The following CEP83 variants were observed in gnomAD, a reference collection of about 807,000 sequenced individuals.
The protein encoded by CEP83 is centrosomal protein of 83 kDa.
A neutral mutation model predicts 101.9 loss-of-function variants in CEP83; 70 were observed. The observed-to-expected ratio is 0.69, with a 90% CI of 0.57 to 0.84. CEP83 has a LOEUF of 0.84. Ranked by LOEUF, CEP83 falls within the 40% of genes least tolerant of loss-of-function variation. The pLI is 0.00. For synonymous variants in CEP83, 264 were observed against 267.9 expected (o/e 0.99, Z 0.14); for missense variants, 715 against 787.2 (o/e 0.91, Z 1.10).
At chr12:94,306,616 A>AATCC (rs1465235587), downstream of CEP83, 8 of 152,200 alleles carry the variant, frequency 5.3e-5, no homozygotes, top group Admixed American at 5.2e-4. Flanking sequence ...TGGTGCTCCA[A>AATCC]ATCCCCCATC....
chr12:94,445,575 T>A (rs2138462132), intron 1 of CEP83, among the ~76,000 whole-genome samples: 1 of 152,304 alleles, frequency 6.6e-6, no homozygotes, highest in African/African-American at 2.4e-5. Context: ...GGGGAAAAAC[T>A]GCAAATCATA....
chr12:94,304,231 T>TA, downstream of CEP83: 1 of 511,380 alleles, frequency 2.0e-6, no homozygotes, highest in Non-Finnish European at 3.5e-6. Flanking sequence ...CTGCCCCCCT[T>TA]ACAGTTTTAT....
chr12:94,344,810 A>T (rs2059855210), intron 11 of CEP83, among the ~76,000 whole-genome samples: 1 of 152,204 alleles, frequency 6.6e-6, no homozygotes, highest in Non-Finnish European at 1.5e-5. Context: ...TTAAAAAGAT[A>T]AAAAACTGAT....
At chr12:94,373,365 A>G (rs956372077) in intron 8 of CEP83, among the ~76,000 whole-genome samples, 7 of 152,334 alleles carry the variant, frequency 4.6e-5, no homozygotes, top group African/African-American at 1.4e-4. Context: ...ACAGGGGGTC[A>G]GTATCTGTTA....
the CEP83 span, among the ~76,000 whole-genome samples, chr12:94,288,387 G>A: frequency 2.9e-3 from 440 of 152,220 alleles, 9 homozygotes; most frequent in South Asian, 0.054. Flanking sequence ...TCAGGTCTTC[G>A]CAGTTTCCCA....
intron 1 of CEP83, among the ~76,000 whole-genome samples, chr12:94,437,998 C>T (rs1399103413): frequency 6.6e-6 from 1 of 152,088 alleles, no homozygotes; most frequent in Non-Finnish European, 1.5e-5. Flanking sequence ...GGGCAGATCA[C>T]CTGAGGTCAG....
At chr12:94,402,248 T>C (rs931051662) in intron 5 of CEP83, 5 of 152,310 alleles carry the variant, frequency 3.3e-5, no homozygotes, top group African/African-American at 1.2e-4. Context: ...ATTGAGCACC[T>C]ACTGTATACC....
At chr12:94,376,712 C>CACACA (rs1566024860) in intron 7 of CEP83, among the ~76,000 whole-genome samples, 2 of 122,308 alleles carry the variant, frequency 1.6e-5, no homozygotes, top group East Asian at 4.6e-4. Flanking sequence ...CACACACACA[C>CACACA]ACACACACAC....
At chr12:94,315,694 A>AT (rs554045286) in intron 14 of CEP83, among the ~76,000 whole-genome samples, 1,762 of 144,810 alleles carry the variant, frequency 0.012, 14 homozygotes, top group East Asian at 0.023. Context: ...TAGAAGCTTT[A>AT]TTTTTTTTTT....
intron 11 of CEP83, 110 bp from the exon 12 acceptor site, chr12:94,335,774 A>T (rs1452426312): frequency 2.8e-6 from 2 of 704,140 alleles, no homozygotes; most frequent in Non-Finnish European, 4.9e-6. Flanking sequence ...GAGCACAAAC[A>T]CAACCAAAGA....
intron 11 of CEP83, among the ~76,000 whole-genome samples, chr12:94,365,642 C>T (rs955549260): frequency 1.3e-5 from 2 of 151,930 alleles, no homozygotes; most frequent in Non-Finnish European, 2.9e-5. Context: ...TGGTGACATA[C>T]ACCTGTAATC....
Position 94,377,094 on chromosome 12 carries a change from T to C in CEP83, c.802-1077A>G, listed in dbSNP as rs755300679. On this transcript the variant is annotated intron_variant, in intron 7 of 16. Coordinates refer to ENST00000397809, the MANE Select transcript of CEP83 (RefSeq NM_016122.3). Reference sequence around the variant, plus strand: ...GCATTTAAAGGATAAATTTCAGTTTTATAACATCTCATTTCGTACATATAG... The same window carrying C: ...GCATTTAAAGGATAAATTTCAGTTTCATAACATCTCATTTCGTACATATAG... 6.9e-4 allele frequency among the ~76,000 whole-genome samples: 105 copies of C among 152,128 alleles called. 4 individuals carry two copies. The highest frequency in any genetic ancestry group is 2.2e-4 in the Non-Finnish European group (15 of 68,026).
At chr12:94,446,796 G>A (rs999241546) in intron 1 of CEP83, among the ~76,000 whole-genome samples, 4 of 152,158 alleles carry the variant, frequency 2.6e-5, no homozygotes, top group Non-Finnish European at 5.9e-5. Context: ...AGTAAAGAGA[G>A]AAAGAGGCAG....
chr12:94,392,694 A>C (rs1268406706), intron 6 of CEP83, among the ~76,000 whole-genome samples: 3 of 152,218 alleles, frequency 2.0e-5, no homozygotes, highest in Admixed American at 1.3e-4. Flanking sequence ...AAATCAATGA[A>C]TCCAGGAGCT....
At chr12:94,279,231 C>T in the CEP83 span, among the ~76,000 whole-genome samples, 1 of 152,044 alleles carries the variant, frequency 6.6e-6, no homozygotes, top group African/African-American at 2.4e-5. Context: ...ATATTTTACT[C>T]TCAGATATAT....
intron 2 of CEP83, among the ~76,000 whole-genome samples, chr12:94,413,283 T>A (rs749319128): frequency 8.5e-5 from 13 of 152,262 alleles, no homozygotes; most frequent in Non-Finnish European, 1.8e-4. Flanking sequence ...TATGCTTCTA[T>A]GACCATCAAA....
intron 11 of CEP83, among the ~76,000 whole-genome samples, chr12:94,362,208 T>C (rs1223853753): frequency 1.3e-5 from 2 of 151,924 alleles, no homozygotes; most frequent in African/African-American, 4.8e-5. Flanking sequence ...AGAATGCCTG[T>C]CAAAAAGACA....
intron 11 of CEP83, among the ~76,000 whole-genome samples, chr12:94,340,846 TAATAAGAGAGGAGAGAGAA>T (rs758671777): frequency 1.4e-4 from 22 of 152,024 alleles, no homozygotes; most frequent in Non-Finnish European, 2.6e-4. Context: ...ACGAGAGAGA[TAATAAGAGAGGAGAGAGAA>T]AATAAGAGAG....
At chr12:94,427,469 C>T (rs746688308) in intron 2 of CEP83, among the ~76,000 whole-genome samples, 11 of 152,242 alleles carry the variant, frequency 7.2e-5, no homozygotes, top group Non-Finnish European at 1.3e-4. Flanking sequence ...ATCACATCCA[C>T]GTGTCCTTCC....
Sources: allele counts gnomAD v4.1 joint callset (sites outside exome capture counted in the v4.1 genomes callset), GRCh38; gene constraint gnomAD v4.1.1; transcripts MANE v1.5; gene names NCBI Gene and HGNC (gene_info 2026-07-23, HGNC 2026-07-21).